Variants in TMEM144 observed in about 807,000 individuals in gnomAD.
TMEM144 encodes the protein transmembrane protein 144.
TMEM144 carries 39 observed loss-of-function variants against 43.6 expected under a neutral mutation model. The observed-to-expected ratio is 0.90, with a 90% CI of 0.69 to 1.17. The LOEUF (loss-of-function observed/expected upper bound fraction) is 1.17, where lower values mean the gene tolerates loss of function less well. Among genes scored for constraint, TMEM144 ranks in the 50% most tolerant of loss-of-function variants. The pLI is 0.00. For missense variants in TMEM144, 417 were observed against 411.9 expected, an observed-to-expected ratio of 1.01 and a Z score of -0.11; for synonymous variants, 154 against 133.6, an observed-to-expected ratio of 1.15 and a Z score of -1.06.
At chr4:158,250,715 G>T (rs544755240) in intron 12 of TMEM144, among the ~76,000 whole-genome samples, 99 of 152,328 alleles carry the variant, frequency 6.5e-4, no homozygotes, top group Middle Eastern at 3.4e-3. Context: ...TTTGGTGCAT[G>T]TTCTTCACTG....
At chr4:158,212,989 G>C (rs892966962) in intron 3 of TMEM144, 14 of 591,354 alleles carry the variant, frequency 2.4e-5, no homozygotes, top group Non-Finnish European at 3.9e-5. Flanking sequence ...TAAAGTTAGG[G>C]AGGGTACAGT....
intron 12 of TMEM144, among the ~76,000 whole-genome samples, chr4:158,246,101 C>T (rs1160573052): frequency 2.0e-5 from 3 of 152,098 alleles, no homozygotes; most frequent in Non-Finnish European, 4.4e-5. Flanking sequence ...CCCTGTCTCC[C>T]TAACAATTTA....
At chr4:158,231,750 G>A (rs1323635926) in intron 6 of TMEM144, among the ~76,000 whole-genome samples, 1 of 152,076 alleles carries the variant, frequency 6.6e-6, no homozygotes, top group East Asian at 1.9e-4. Flanking sequence ...AGCAGGGAGT[G>A]GTCAGGCATA....
intron 11 of TMEM144, among the ~76,000 whole-genome samples, chr4:158,242,917 CAA>C (rs993143550): frequency 2.0e-5 from 3 of 152,158 alleles, no homozygotes; most frequent in African/African-American, 7.2e-5. Context: ...TGGCCTGAAT[CAA>C]AGAGTCAGTA....
intron 12 of TMEM144, among the ~76,000 whole-genome samples, chr4:158,247,516 A>G (rs974976964): frequency 1.4e-4 from 21 of 152,148 alleles, no homozygotes; most frequent in African/African-American, 5.1e-4. Flanking sequence ...AATCAGCTGA[A>G]AAATTTAACA....
At chr4:158,240,216 T>A in intron 9 of TMEM144, 83 bp from the exon 10 acceptor site, 1 of 1,493,504 alleles carries the variant, frequency 6.7e-7, no homozygotes, top group Non-Finnish European at 9.1e-7. Flanking sequence ...TTAAGGTTAA[T>A]TCTGGTGAGT....
At chr4:158,215,907 C>A (rs187763949) in intron 4 of TMEM144, among the ~76,000 whole-genome samples, 107 of 151,728 alleles carry the variant, frequency 7.1e-4, no homozygotes, top group Non-Finnish European at 1.4e-3. Flanking sequence ...AAAGAGAATT[C>A]CAAGTATCAG....
chr4:158,233,453 C>G (rs1735189487), intron 7 of TMEM144: 1 of 152,282 alleles, frequency 6.6e-6, no homozygotes, highest in African/African-American at 2.4e-5. Context: ...TGATAGGAGT[C>G]ACTGTTTTGA....
At chr4:158,221,166 CTG>C in intron 6 of TMEM144, among the ~76,000 whole-genome samples, 1 of 152,258 alleles carries the variant, frequency 6.6e-6, no homozygotes, top group African/African-American at 2.4e-5. Context: ...GTCTATCAGT[CTG>C]TATACAAAAC....
rs1376721106 is a variant in TMEM144, at chr4:158,215,330, C to T, written c.232+17C>T. On this transcript the variant is annotated intron_variant, in intron 4 of 12. Transcript: ENST00000296529. ...GGGCAACAGGTAATGTCTGATATAA[C>T]TTATACTTTTATTATGTAACATAAT... is the stretch of plus-strand genomic sequence containing the variant. The T allele has an allele frequency of 6.2e-7, 1 of 1,610,748 alleles. No individual in the cohort carries two copies. The highest frequency in any genetic ancestry group is 2.2e-5 in the East Asian group (1 of 44,814).
chr4:158,226,449 A>G (rs905932151), intron 6 of TMEM144, among the ~76,000 whole-genome samples: 2 of 152,208 alleles, frequency 1.3e-5, no homozygotes, highest in African/African-American at 2.4e-5. Context: ...ACTTTAGCCA[A>G]TGTTTACACA....
At chr4:158,241,647 A>G in intron 11 of TMEM144, 41 bp downstream of exon 11, 1 of 1,562,550 alleles carries the variant, frequency 6.4e-7, no homozygotes, top group Non-Finnish European at 8.8e-7. Flanking sequence ...CATTTTATAA[A>G]TGTAAACCCA....
chr4:158,247,749 A>G (rs886111421), intron 12 of TMEM144, among the ~76,000 whole-genome samples: 1 of 152,110 alleles, frequency 6.6e-6, no homozygotes, highest in Non-Finnish European at 1.5e-5. Flanking sequence ...GACATAGAAG[A>G]TCAGAACAAA....
chr4:158,232,840 C>T (rs971405150), intron 6 of TMEM144, 61 bp from the exon 7 acceptor site: 1 of 1,154,150 alleles, frequency 8.7e-7, no homozygotes. Flanking sequence ...TCTTAAAAAT[C>T]AAGCAGCTTG....
intron 3 of TMEM144, among the ~76,000 whole-genome samples, chr4:158,214,702 A>C (rs1291528480): frequency 6.6e-6 from 1 of 152,110 alleles, no homozygotes; most frequent in Non-Finnish European, 1.5e-5. Context: ...GTGACCATAA[A>C]TGGCTTTATT....
intron 6 of TMEM144, among the ~76,000 whole-genome samples, chr4:158,230,608 CAG>C (rs1366632048): frequency 6.6e-6 from 1 of 151,430 alleles, no homozygotes; most frequent in Non-Finnish European, 1.5e-5. Flanking sequence ...TATGCACACA[CAG>C]AAATACATAT....
At chr4:158,214,690 G>A (rs970950693) in intron 3 of TMEM144, among the ~76,000 whole-genome samples, 3 of 152,224 alleles carry the variant, frequency 2.0e-5, no homozygotes, top group South Asian at 2.1e-4. Flanking sequence ...TGAGGCCTAT[G>A]TGTGACCATA....
intron 7 of TMEM144, chr4:158,235,163 A>G (rs1326329608): frequency 6.4e-6 from 2 of 312,196 alleles, no homozygotes; most frequent in African/African-American, 2.1e-5. Flanking sequence ...ACATGAGATA[A>G]TAAGTTTTAT....
intron 12 of TMEM144, among the ~76,000 whole-genome samples, chr4:158,245,857 G>A (rs1411037298): frequency 6.6e-6 from 1 of 152,016 alleles, no homozygotes; most frequent in African/African-American, 2.4e-5. Context: ...GGGTTCAGGA[G>A]GTCAAGGCTG....
Sources: allele counts gnomAD v4.1 joint callset (sites outside exome capture counted in the v4.1 genomes callset), GRCh38; gene constraint gnomAD v4.1.1; transcripts MANE v1.5; gene names NCBI Gene and HGNC (gene_info 2026-07-23, HGNC 2026-07-21).